Variants in CHD6 observed in about 807,000 individuals in gnomAD.
The protein encoded by CHD6 is chromodomain helicase DNA binding protein 6.
Under a neutral mutation model 276.9 loss-of-function variants are expected in CHD6, and 50 were observed. The observed-to-expected ratio is 0.18, with a 90% CI of 0.14 to 0.23. CHD6 has a LOEUF of 0.23. Among genes scored for constraint, CHD6 ranks in the 10% least tolerant of loss-of-function variants. The probability of loss-of-function intolerance (pLI) is 1.00; values close to 1 mark genes in which losing one functional copy is unlikely to be tolerated. For missense variants in CHD6, 2,564 were observed against 3,365.8 expected (o/e 0.76, Z 5.89); for synonymous variants, 1,173 against 1,229.3 (o/e 0.95, Z 0.96).
At chr20:41,454,759 T>C (rs2048334445) in intron 19 of CHD6, 23 bp from the exon 20 acceptor site, 10 of 1,545,002 alleles carry the variant, frequency 6.5e-6, no homozygotes, top group Non-Finnish European at 8.0e-6. Flanking sequence ...CAAGAATTAA[T>C]AAACTGTGCT....
At chr20:41,512,643 C>T (rs148104695) in intron 5 of CHD6, among the ~76,000 whole-genome samples, 15 of 152,038 alleles carry the variant, frequency 9.9e-5, no homozygotes, top group African/African-American at 2.4e-4. Flanking sequence ...CAAAACAAGG[C>T]GAGAGTGTGA....
intron 3 of CHD6, among the ~76,000 whole-genome samples, chr20:41,524,532 T>C (rs1163146827): frequency 6.6e-6 from 1 of 152,090 alleles, no homozygotes; most frequent in Non-Finnish European, 1.5e-5. Flanking sequence ...TAACTGAAAA[T>C]AAAAATTCAG....
At chr20:41,498,799 ATGTATGTATGTATGTGTGTGTGTGTGTG>A (rs1349025373) in intron 6 of CHD6, among the ~76,000 whole-genome samples, 1 of 94,776 alleles carries the variant, frequency 1.1e-5, no homozygotes, top group African/African-American at 4.6e-5. Flanking sequence ...GTATGTATGT[ATGTATGTATGTATGTGTGTGTGTGTGTG>A]TGTGTGTGTG....
chr20:41,504,077 C>CAAAAAAAAAAAAAAAAAAAAAAAAAAAA (rs1189323419), intron 5 of CHD6, among the ~76,000 whole-genome samples: 11 of 27,094 alleles, frequency 4.1e-4, no homozygotes, highest in East Asian at 1.5e-3. Flanking sequence ...GACTCTGTCT[C>CAAAAAAAAAAAAAAAAAAAAAAAAAAAA]AAAAAAAAAA....
At chr20:41,485,169 G>T (rs6029704) in intron 14 of CHD6, among the ~76,000 whole-genome samples, 34,707 of 151,998 alleles carry the variant, frequency 0.23, 4,133 homozygotes, top group East Asian at 0.39. Context: ...TCACATCAGG[G>T]GCACTTTAAG....
chr20:41,489,550 T>TAAAAAAA (rs2043498238), intron 12 of CHD6, among the ~76,000 whole-genome samples: 1 of 152,180 alleles, frequency 6.6e-6, no homozygotes, highest in Admixed American at 6.5e-5. Context: ...TTCAGTGTCC[T>TAAAAAAA]AAAAAAGGTA....
intron 3 of CHD6, among the ~76,000 whole-genome samples, chr20:41,522,514 T>C (rs1052917382): frequency 6.6e-6 from 1 of 152,166 alleles, no homozygotes; most frequent in South Asian, 2.1e-4. Context: ...TTATTAGTTA[T>C]AAGGGAACGA....
Position 41,423,575 on chromosome 20 carries a change from G to A in CHD6, c.4472C>T (p.Ser1491Leu), listed in dbSNP as rs145033340. The A allele has an allele frequency of 1.5e-4, 238 of 1,614,178 alleles. No homozygotes were observed. The African/African-American group carries it at 1.8e-3, about 12-fold the overall frequency. ...AAAATACTGTTCCAGGCTCTCATCC[G>A]ACTTCTTGTCCAAACGGGAAATGAT... is the stretch of plus-strand genomic sequence containing the variant. ...FRIISRLDKK[S>L]DESLEQYFYS... Residue 1491 changes from serine to leucine, a missense_variant, in exon 30 of 37, where the codon TCG (serine) becomes TTG (leucine). Transcript: ENST00000373233.
At chr20:41,504,098 A>AAG (rs958221913) in intron 5 of CHD6, among the ~76,000 whole-genome samples, 2 of 149,226 alleles carry the variant, frequency 1.3e-5, no homozygotes, top group African/African-American at 2.5e-5. Context: ...AAAAAAAAAA[A>AAG]AAAAAAGAAA....
intron 8 of CHD6, among the ~76,000 whole-genome samples, chr20:41,495,345 A>T (rs2043658130): frequency 6.6e-6 from 1 of 152,244 alleles, no homozygotes; most frequent in Non-Finnish European, 1.5e-5. Flanking sequence ...TACAAAGTAA[A>T]ATAAGCCTGA....
At chr20:41,489,696 C>G (rs1040528700) in intron 12 of CHD6, 82 bp downstream of exon 12, 24 of 1,566,022 alleles carry the variant, frequency 1.5e-5, no homozygotes, top group Non-Finnish European at 2.0e-5. Flanking sequence ...ATGCAGGGCA[C>G]TGGAACTTCT....
At chr20:41,422,184 C>A in intron 30 of CHD6, 105 bp from the exon 31 acceptor site, 1 of 1,166,126 alleles carries the variant, frequency 8.6e-7, no homozygotes, top group Non-Finnish European at 1.2e-6. Context: ...TCCCTGGCTC[C>A]TCAGCATGGC....
chr20:41,557,656 T>C, intron 1 of CHD6, among the ~76,000 whole-genome samples: 1 of 152,158 alleles, frequency 6.6e-6, no homozygotes. Context: ...GTGTGTGTTT[T>C]TGCAAACACA....
At chr20:41,455,578 C>T (rs527891344) in intron 19 of CHD6, among the ~76,000 whole-genome samples, 6 of 152,278 alleles carry the variant, frequency 3.9e-5, no homozygotes, top group African/African-American at 1.4e-4. Flanking sequence ...AAGATCAGCT[C>T]TCAAAGGTGA....
At chr20:41,585,949 C>T (rs138264534) in intron 1 of CHD6, among the ~76,000 whole-genome samples, 225 of 152,288 alleles carry the variant, frequency 1.5e-3, no homozygotes, top group Admixed American at 5.5e-3. Flanking sequence ...CCTTTAAACA[C>T]GGGGCTTATA....
At position 41,473,161 on chromosome 20, in the gene CHD6, C is replaced by T. The variant is rs1168501449; in HGVS notation, c.2664+161G>A. The T allele has an allele frequency of 3.4e-6, 2 of 586,652 alleles. No individual in the cohort carries two copies. Among genetic ancestry groups the T allele is most frequent in the Non-Finnish European group, 5.9e-6 (2 of 339,726 alleles). The allele number at this position is 586,652 out of a possible 1,614,324, so 36.3% of individuals were successfully genotyped here. On this transcript the variant is annotated intron_variant, in intron 17 of 36. Coordinates refer to ENST00000373233, the MANE Select transcript of CHD6 (RefSeq NM_032221.5). This position sits in a 1 kb window ranked among gnomAD's most constrained non-coding sequence, Gnocchi z 4.1. ...AATTAGTTGGAAGGGTCGACATTTACTTTTCATTCAGTTTCACCCCCTGAC... is the reference window on the plus strand; with the variant it reads ...AATTAGTTGGAAGGGTCGACATTTATTTTTCATTCAGTTTCACCCCCTGAC...
intron 1 of CHD6, among the ~76,000 whole-genome samples, chr20:41,585,343 A>T (rs1290199313): frequency 6.6e-6 from 1 of 152,004 alleles, no homozygotes; most frequent in Non-Finnish European, 1.5e-5. Context: ...CTTTACTAAA[A>T]ATACAAAATT....
intron 17 of CHD6, among the ~76,000 whole-genome samples, chr20:41,464,104 C>G (rs78765133): frequency 0.019 from 2,870 of 152,168 alleles, 98 homozygotes; most frequent in African/African-American, 0.066. Flanking sequence ...AAAGGGTACA[C>G]TGGAGTTGCA....
intron 25 of CHD6, among the ~76,000 whole-genome samples, chr20:41,442,379 G>A (rs928081129): frequency 6.6e-6 from 1 of 152,188 alleles, no homozygotes; most frequent in African/African-American, 2.4e-5. Context: ...CTGAACCTGG[G>A]AGTTCAAGGC....
Sources: allele counts gnomAD v4.1 joint callset (sites outside exome capture counted in the v4.1 genomes callset), GRCh38; gene constraint gnomAD v4.1.1; non-coding constraint Gnocchi (gnomAD v3.1); transcripts MANE v1.5; gene names NCBI Gene and HGNC (gene_info 2026-07-23, HGNC 2026-07-21).